Variants in SUMF1 observed in about 807,000 individuals in gnomAD.
SUMF1 encodes sulfatase modifying factor 1.
A neutral mutation model predicts 47.6 loss-of-function variants in SUMF1; 48 were observed. That is an observed-to-expected ratio of 1.01 (90% CI 0.80 to 1.28). The LOEUF (loss-of-function observed/expected upper bound fraction) is 1.28, where lower values mean the gene tolerates loss of function less well. SUMF1 is among the 50% of genes most tolerant of loss of function. The probability of loss-of-function intolerance (pLI) is 0.00; values close to 1 mark genes in which losing one functional copy is unlikely to be tolerated. For synonymous variants in SUMF1, 230 were observed against 192.1 expected (o/e 1.20, Z -1.63); for missense variants, 571 against 485.4 (o/e 1.18, Z -1.66).
intron 8 of SUMF1, among the ~76,000 whole-genome samples, chr3:4,326,141 T>C (rs959507187): frequency 1.3e-4 from 20 of 152,192 alleles, no homozygotes; most frequent in Admixed American, 1.3e-4. Flanking sequence ...AACATAACTT[T>C]TTTCTCTCAA....
intron 8 of SUMF1, among the ~76,000 whole-genome samples, chr3:4,088,007 T>C (rs1692706645): frequency 6.6e-6 from 1 of 152,030 alleles, no homozygotes; most frequent in Non-Finnish European, 1.5e-5. Context: ...TCTAAGAAGG[T>C]GTAATACAAT....
chr3:4,299,272 C>A (rs1473907971), intron 8 of SUMF1, among the ~76,000 whole-genome samples: 1 of 152,182 alleles, frequency 6.6e-6, no homozygotes, highest in African/African-American at 2.4e-5. Context: ...CAAACAGCTC[C>A]CAGGCAGCTC....
intron 9 of SUMF1, among the ~76,000 whole-genome samples, chr3:4,056,656 TA>T (rs1428332925): frequency 1.3e-5 from 2 of 151,994 alleles, no homozygotes; most frequent in East Asian, 3.9e-4. Flanking sequence ...GAGACGTCTC[TA>T]AAAAAAAGCA....
intron 8 of SUMF1, among the ~76,000 whole-genome samples, chr3:4,353,628 C>G (rs926234860): frequency 7.9e-5 from 12 of 152,148 alleles, no homozygotes; most frequent in Non-Finnish European, 1.3e-4. Flanking sequence ...CTCTAGAAAA[C>G]TCTACTGTAT....
At chr3:4,065,625 T>C (rs901184164) in intron 9 of SUMF1, among the ~76,000 whole-genome samples, 1 of 152,154 alleles carries the variant, frequency 6.6e-6, no homozygotes, top group African/African-American at 2.4e-5. Flanking sequence ...AAGCAATCAT[T>C]TGAACTTGAA....
chr3:4,109,332 A>C (rs1338734603), intron 8 of SUMF1, among the ~76,000 whole-genome samples: 2 of 152,026 alleles, frequency 1.3e-5, no homozygotes, highest in Non-Finnish European at 2.9e-5. Flanking sequence ...GGGTAACCCG[A>C]CCTTTCTCTC....
intron 8 of SUMF1, among the ~76,000 whole-genome samples, chr3:4,155,641 AC>A (rs141317038): frequency 6.6e-6 from 1 of 151,484 alleles, no homozygotes; most frequent in African/African-American, 2.4e-5. Flanking sequence ...TCAGCTTTAA[AC>A]CTGGCTCCTA....
rs142668581 is a variant in SUMF1, at chr3:4,380,628, G to A, written c.955-4239C>T. 1.8e-3 allele frequency among the ~76,000 whole-genome samples: 277 copies of A among 152,186 alleles called. 1 individual carries two copies. The highest frequency in any genetic ancestry group is 6.1e-3 in the African/African-American group (255 of 41,528). On this transcript the variant is annotated intron_variant, in intron 7 of 8. Coordinates refer to ENST00000272902, the MANE Select transcript of SUMF1 (RefSeq NM_182760.4). ...CAGTGGAAAAACATATGGAACATAGGGACTCCGCCTACAACCAGGCAGGAA... is the reference window on the plus strand; with the variant it reads ...CAGTGGAAAAACATATGGAACATAGAGACTCCGCCTACAACCAGGCAGGAA...
intron 8 of SUMF1, among the ~76,000 whole-genome samples, chr3:4,164,589 C>G (rs1301610158): frequency 3.3e-5 from 5 of 152,124 alleles, no homozygotes; most frequent in Non-Finnish European, 7.4e-5. Context: ...GGTTATTGGC[C>G]TGCTCCATTT....
chr3:4,050,990 A>G (rs949351582), intron 9 of SUMF1, among the ~76,000 whole-genome samples: 1 of 151,998 alleles, frequency 6.6e-6, no homozygotes, highest in African/African-American at 2.4e-5. Flanking sequence ...TCTAAACTTG[A>G]CGTTTTATTT....
At chr3:4,454,953 A>C (rs1703105715) in intron 1 of SUMF1, among the ~76,000 whole-genome samples, 1 of 152,198 alleles carries the variant, frequency 6.6e-6, no homozygotes, top group South Asian at 2.1e-4. Flanking sequence ...TAATGGGCAT[A>C]GAGTTTCTTC....
At chr3:4,409,093 T>C (rs1701462033) in intron 7 of SUMF1, among the ~76,000 whole-genome samples, 1 of 152,180 alleles carries the variant, frequency 6.6e-6, no homozygotes, top group Non-Finnish European at 1.5e-5. Flanking sequence ...TTGCTCTCTA[T>C]ATAGATCAGT....
At chr3:4,192,601 T>C (rs1171286731) in intron 8 of SUMF1, among the ~76,000 whole-genome samples, 8 of 152,144 alleles carry the variant, frequency 5.3e-5, no homozygotes, top group Non-Finnish European at 8.8e-5. Context: ...TTCTAAATCC[T>C]TGGAATTTCC....
chr3:4,232,605 A>C (rs1423393749), intron 8 of SUMF1, among the ~76,000 whole-genome samples: 5 of 151,890 alleles, frequency 3.3e-5, no homozygotes, highest in Admixed American at 2.0e-4. Context: ...CGCCAAAAGA[A>C]AACAAAAAAA....
intron 8 of SUMF1, among the ~76,000 whole-genome samples, chr3:4,141,854 T>C (rs973326273): frequency 6.6e-6 from 1 of 152,076 alleles, no homozygotes; most frequent in African/African-American, 2.4e-5. Context: ...CAGCACAAAA[T>C]GAAGGTTTGG....
At chr3:4,343,869 G>A (rs1156673291) in intron 8 of SUMF1, among the ~76,000 whole-genome samples, 1 of 152,118 alleles carries the variant, frequency 6.6e-6, no homozygotes, top group Admixed American at 6.5e-5. Context: ...AGGTTTATTG[G>A]AAAAAATTTT....
At chr3:4,085,182 G>A (rs1692645665) in intron 8 of SUMF1, among the ~76,000 whole-genome samples, 1 of 152,106 alleles carries the variant, frequency 6.6e-6, no homozygotes, top group Admixed American at 6.6e-5. Flanking sequence ...AATGTAATGA[G>A]ATGAAGAACA....
At chr3:4,168,274 C>A (rs1694756010) in intron 8 of SUMF1, among the ~76,000 whole-genome samples, 3 of 152,222 alleles carry the variant, frequency 2.0e-5, no homozygotes, top group South Asian at 4.1e-4. Flanking sequence ...CTCAACCTGC[C>A]CAAAAACATA....
At chr3:4,148,146 A>G (rs567343174) in intron 8 of SUMF1, among the ~76,000 whole-genome samples, 1 of 152,278 alleles carries the variant, frequency 6.6e-6, no homozygotes, top group African/African-American at 2.4e-5. Flanking sequence ...TTTTAATCTA[A>G]TCTGAAATCT....
Sources: allele counts gnomAD v4.1 joint callset (sites outside exome capture counted in the v4.1 genomes callset), GRCh38; gene constraint gnomAD v4.1.1; transcripts MANE v1.5; gene names NCBI Gene and HGNC (gene_info 2026-07-23, HGNC 2026-07-21).